The following SLC38A11 variants were observed in gnomAD, a reference collection of about 807,000 sequenced individuals.
SLC38A11 encodes solute carrier family 38 member 11.
SLC38A11 carries 51 observed loss-of-function variants against 49.4 expected under a neutral mutation model. That is an observed-to-expected ratio of 1.03 (90% CI 0.83 to 1.30). SLC38A11 has a LOEUF of 1.30. Ranked by LOEUF, SLC38A11 falls within the 50% of genes most tolerant of loss-of-function variation. The probability of loss-of-function intolerance (pLI) is 0.00; values close to 1 mark genes in which losing one functional copy is unlikely to be tolerated. For synonymous variants in SLC38A11, 203 were observed against 192.9 expected (o/e 1.05, Z -0.43); for missense variants, 574 against 556.2 (o/e 1.03, Z -0.32).
At position 164,915,934 on chromosome 2, in the gene SLC38A11, A is replaced by G; in HGVS notation, c.657T>C (p.Asn219=). 6.2e-7 allele frequency: 1 copy of G among 1,603,542 alleles called. No individual in the cohort carries two copies. The highest frequency in any genetic ancestry group is 8.5e-7 in the Non-Finnish European group (1 of 1,172,218). ...ACATAACCCCGACCGCTTGAATGGC[A>G]TTGGGCTTTGCAAATACCCAAGCGT... ...TEDAWVFAKP[N]AIQAVGVMSF... The change falls in exon 8 of 12, where the codon AAT becomes AAC. Residue 219 remains asparagine, a synonymous_variant. Transcript: ENST00000685975.
Position 164,911,711 on chromosome 2 carries a change from C to G in SLC38A11, c.888G>C (p.Leu296=). ...CATAACAAAATCTTCCAAATGTTAC[C>G]AGGTCATCATTTCTGCAGTAATTTT... ...LFENYCRNDD[L]VTFGRFCYGV... The change falls in exon 10 of 12, where the codon CTG becomes CTC. Residue 296 remains leucine, a synonymous_variant. Coordinates refer to ENST00000685975, the MANE Select transcript of SLC38A11 (RefSeq NM_001351537.2). The G allele has an allele frequency of 6.2e-7, 1 of 1,602,694 alleles. No homozygotes were observed. The highest frequency in any genetic ancestry group is 1.1e-5 in the South Asian group (1 of 89,342).
chr2:164,930,625 C>T (rs137970924), intron 7 of SLC38A11, among the ~76,000 whole-genome samples: 1 of 152,082 alleles, frequency 6.6e-6, no homozygotes, highest in Non-Finnish European at 1.5e-5. Flanking sequence ...AAATGTGATT[C>T]ATTGCATAAA....
intron 7 of SLC38A11, among the ~76,000 whole-genome samples, chr2:164,924,511 T>C (rs1462829117): frequency 3.9e-5 from 6 of 152,160 alleles, no homozygotes; most frequent in Non-Finnish European, 8.8e-5. Context: ...AAAATACAAG[T>C]TGAAATTATT....
rs1352056632 is a variant in SLC38A11 at position 164,898,436 on chromosome 2, C to T, written c.*1G>A. The stretch of plus-strand genomic sequence containing the variant: ...ACATACATATTTTTAAAGCAGTCAA[C>T]TCATTGAAAGATACTAATATTTAAA... On this transcript the variant is annotated 3_prime_UTR_variant, in exon 12 of 12. Coordinates refer to ENST00000685975, the MANE Select transcript of SLC38A11 (RefSeq NM_001351537.2). The T allele has an allele frequency of 1.2e-6, 2 of 1,600,122 alleles. No individual in the cohort carries two copies. The highest frequency in any genetic ancestry group is 2.2e-5 in the East Asian group (1 of 44,688).
At chr2:164,911,964 G>A (rs1397500095) in intron 9 of SLC38A11, 2 of 342,446 alleles carry the variant, frequency 5.8e-6, no homozygotes, top group Non-Finnish European at 1.1e-5. Context: ...ACAGAAACAT[G>A]CTGTAGAGGT....
intron 9 of SLC38A11, chr2:164,912,438 G>A (rs956846517): frequency 5.3e-5 from 8 of 152,144 alleles, no homozygotes; most frequent in Admixed American, 5.3e-4. Context: ...TGTTTCTGGT[G>A]AGTAAGTGAC....
intron 7 of SLC38A11, among the ~76,000 whole-genome samples, chr2:164,921,381 G>T (rs1045849121): frequency 1.2e-4 from 19 of 152,044 alleles, no homozygotes; most frequent in African/African-American, 4.6e-4. Flanking sequence ...CCAGGCAGTG[G>T]TGTGATCATA....
At chr2:164,918,449 C>T (rs1685953549) in intron 7 of SLC38A11, among the ~76,000 whole-genome samples, 2 of 152,000 alleles carry the variant, frequency 1.3e-5, no homozygotes, top group South Asian at 2.1e-4. Flanking sequence ...TTTTGAAAAA[C>T]ATGGTGAGCA....
intron 11 of SLC38A11, among the ~76,000 whole-genome samples, chr2:164,905,263 A>G (rs1186108715): frequency 2.0e-5 from 3 of 151,958 alleles, no homozygotes; most frequent in Admixed American, 2.0e-4. Context: ...GACTACAGGC[A>G]TGTGCCACCA....
At chr2:164,925,278 G>T (rs1323533514) in intron 7 of SLC38A11, among the ~76,000 whole-genome samples, 1 of 152,168 alleles carries the variant, frequency 6.6e-6, no homozygotes, top group Non-Finnish European at 1.5e-5. Context: ...GAGGGGGCAG[G>T]ATTTCACTTT....
intron 11 of SLC38A11, 108 bp from the exon 12 acceptor site, chr2:164,898,838 G>GTGCA: frequency 9.7e-7 from 1 of 1,035,080 alleles, no homozygotes; most frequent in Non-Finnish European, 1.4e-6. Context: ...TGTTAAACAT[G>GTGCA]TGATAGGTTC....
rs774178211 is a variant in SLC38A11, at chr2:164,911,690, A to G, written c.909T>C (p.Cys303=). ...NDDLVTFGRF[C]YGVTVILTYP... ...ATGTCAAAATGACAGTGACACCATA[A>G]CAAAATCTTCCAAATGTTACCAGGT... The change falls in exon 10 of 12, where the codon TGT becomes TGC. Residue 303 remains cysteine, a synonymous_variant. Transcript: ENST00000685975. 6.8e-6 allele frequency: 11 copies of G among 1,607,984 alleles called. No individual in the cohort carries two copies. The highest frequency in any genetic ancestry group is 1.7e-4 in the Middle Eastern group (1 of 6,060).
At chr2:164,954,077 T>C (rs572178612) in intron 2 of SLC38A11, among the ~76,000 whole-genome samples, 1 of 152,204 alleles carries the variant, frequency 6.6e-6, no homozygotes, top group African/African-American at 2.4e-5. Flanking sequence ...ATTTGCATTG[T>C]TGACTAAATA....
In SLC38A11 at chr2:164,937,280, A is replaced by G. The variant is rs1478764112; in HGVS notation, c.617+70T>C. The G allele has an allele frequency of 1.8e-5, 18 of 1,017,594 alleles. 1 individual carries two copies. Among genetic ancestry groups the G allele is most frequent in the South Asian group, 1.7e-4 (13 of 74,408 alleles). The allele number at this position is 1,017,594 out of a possible 1,614,324, so 63.0% of individuals were successfully genotyped here. ...TACCATGGTTACTTTATATTTCTGCATTTATGCCATCTAAATATCTATGTG... is the reference window on the plus strand; with the variant it reads ...TACCATGGTTACTTTATATTTCTGCGTTTATGCCATCTAAATATCTATGTG... On this transcript the variant is annotated intron_variant, in intron 7 of 11. Transcript: ENST00000685975.
At chr2:164,930,015 A>G (rs930875455) in intron 7 of SLC38A11, among the ~76,000 whole-genome samples, 4 of 152,022 alleles carry the variant, frequency 2.6e-5, no homozygotes, top group Middle Eastern at 3.2e-3. Context: ...CTAGACTAAT[A>G]AAGATGAAAA....
At chr2:164,949,425 T>C (rs912475450) in intron 3 of SLC38A11, among the ~76,000 whole-genome samples, 1 of 152,068 alleles carries the variant, frequency 6.6e-6, no homozygotes, top group Non-Finnish European at 1.5e-5. Context: ...ATCCAGTTAA[T>C]TTTTGTATTT....
intron 7 of SLC38A11, among the ~76,000 whole-genome samples, chr2:164,920,544 C>T (rs1470780044): frequency 2.0e-5 from 2 of 101,882 alleles, no homozygotes; most frequent in Non-Finnish European, 4.7e-5. Flanking sequence ...GAAGAGATAT[C>T]CGAGGAGAAG....
intron 9 of SLC38A11, among the ~76,000 whole-genome samples, chr2:164,912,704 T>A (rs1685486721): frequency 6.6e-6 from 1 of 152,006 alleles, no homozygotes; most frequent in African/African-American, 2.4e-5. Flanking sequence ...TATGGCTATG[T>A]CCCAGAAAGA....
intron 11 of SLC38A11, among the ~76,000 whole-genome samples, chr2:164,905,264 T>C (rs1684918428): frequency 6.6e-6 from 1 of 151,984 alleles, no homozygotes; most frequent in African/African-American, 2.4e-5. Context: ...ACTACAGGCA[T>C]GTGCCACCAC....
Sources: allele counts gnomAD v4.1 joint callset (sites outside exome capture counted in the v4.1 genomes callset), GRCh38; gene constraint gnomAD v4.1.1; transcripts MANE v1.5; gene names NCBI Gene and HGNC (gene_info 2026-07-23, HGNC 2026-07-21).